ABLIM1: variants seen among roughly 807,000 people sequenced by gnomAD.
ABLIM1 encodes the protein actin-binding LIM protein 1.
Under a neutral mutation model 107.0 loss-of-function variants are expected in ABLIM1, and 40 were observed. That is an observed-to-expected ratio of 0.37 (90% CI 0.29 to 0.49). The LOEUF is 0.49. ABLIM1 is among the 20% of genes least tolerant of loss of function. ABLIM1 has a pLI of 0.97. For synonymous variants in ABLIM1, 357 were observed against 357.3 expected, an observed-to-expected ratio of 1.00 and a Z score of 0.01; for missense variants, 857 against 1,008.5, an observed-to-expected ratio of 0.85 and a Z score of 2.04.
chr10:114,606,660 G>A (rs144637876), intron 1 of ABLIM1, among the ~76,000 whole-genome samples: 1 of 152,172 alleles, frequency 6.6e-6, no homozygotes, highest in East Asian at 1.9e-4. Context: ...TAACCCATAA[G>A]CCTTTGGAAC....
In ABLIM1 at chr10:114,441,804, A is replaced by T. The variant is rs547513245; in HGVS notation, c.1934-18T>A. ...ATGTGAAGCTGAGTAAGAAAAAAGT[A>T]AAAAACCAATTGTTAGGAAATCAGA... On this transcript the variant is annotated intron_variant, in intron 17 of 22. Coordinates refer to ENST00000533213, the MANE Select transcript of ABLIM1 (RefSeq NM_002313.7). The T allele has an allele frequency of 6.2e-7, 1 of 1,605,784 alleles. No individual in the cohort carries two copies. Among genetic ancestry groups the T allele is most frequent in the South Asian group, 1.1e-5 (1 of 90,880 alleles).
intron 1 of ABLIM1, among the ~76,000 whole-genome samples, chr10:114,614,856 G>A (rs1362965576): frequency 3.3e-5 from 5 of 152,008 alleles, no homozygotes. Flanking sequence ...GACGAGACCA[G>A]TCTGACCAAC....
At chr10:114,612,925 T>C (rs545656467) in intron 1 of ABLIM1, among the ~76,000 whole-genome samples, 45 of 152,272 alleles carry the variant, frequency 3.0e-4, no homozygotes, top group African/African-American at 1.0e-3. Flanking sequence ...CTAATTCCAA[T>C]TCCAGACACC....
chr10:114,485,818 G>A (rs1405338926), intron 8 of ABLIM1, among the ~76,000 whole-genome samples: 2 of 152,210 alleles, frequency 1.3e-5, no homozygotes, highest in African/African-American at 4.8e-5. Flanking sequence ...GCACTAATGT[G>A]ACATGCAGTG....
At chr10:114,622,181 T>G (rs911353889) in intron 1 of ABLIM1, among the ~76,000 whole-genome samples, 1 of 152,214 alleles carries the variant, frequency 6.6e-6, no homozygotes, top group South Asian at 2.1e-4. Context: ...TTCTCTCCCA[T>G]TCCCCATCAG....
intron 6 of ABLIM1, among the ~76,000 whole-genome samples, chr10:114,498,372 T>C (rs2135452829): frequency 6.6e-6 from 1 of 152,250 alleles, no homozygotes; most frequent in South Asian, 2.1e-4. Flanking sequence ...AACCAATGAT[T>C]CCTCCGTGTC....
intron 1 of ABLIM1, among the ~76,000 whole-genome samples, chr10:114,618,678 C>T (rs2077280034): frequency 6.6e-6 from 1 of 152,210 alleles, no homozygotes; most frequent in Admixed American, 6.5e-5. Context: ...AGGCACAGGC[C>T]CTGTCAACAA....
intron 6 of ABLIM1, among the ~76,000 whole-genome samples, chr10:114,495,229 G>A (rs191935184): frequency 1.3e-5 from 2 of 152,180 alleles, no homozygotes; most frequent in Admixed American, 6.5e-5. Flanking sequence ...GTGTTGCTGT[G>A]TAATAAAATA....
chr10:114,524,942 C>T (rs929259266), intron 6 of ABLIM1, among the ~76,000 whole-genome samples: 1 of 152,246 alleles, frequency 6.6e-6, no homozygotes, highest in Non-Finnish European at 1.5e-5. Context: ...TGGACCCCGC[C>T]AGGCCTCCCT....
intron 4 of ABLIM1, among the ~76,000 whole-genome samples, chr10:114,550,171 T>C (rs2067879349): frequency 6.6e-6 from 1 of 152,166 alleles, no homozygotes; most frequent in Non-Finnish European, 1.5e-5. Flanking sequence ...CATATGCATA[T>C]GAGTGTATAT....
At chr10:114,570,536 TTAGA>T (rs2071486788) in intron 4 of ABLIM1, among the ~76,000 whole-genome samples, 1 of 151,864 alleles carries the variant, frequency 6.6e-6, no homozygotes, top group Admixed American at 6.6e-5. Flanking sequence ...TTTTCACATA[TTAGA>T]TATTTTTGTG....
chr10:114,513,203 C>T (rs920956084), intron 6 of ABLIM1, among the ~76,000 whole-genome samples: 1 of 152,136 alleles, frequency 6.6e-6, no homozygotes, highest in Non-Finnish European at 1.5e-5. Context: ...TCATTTCTTA[C>T]CCCTTGTACA....
At chr10:114,773,359 A>C in the ABLIM1 span, among the ~76,000 whole-genome samples, 1 of 152,350 alleles carries the variant, frequency 6.6e-6, no homozygotes, top group Non-Finnish European at 1.5e-5. Flanking sequence ...GATTGATAAC[A>C]GACTCAAGGG....
At chr10:114,591,706 T>C (rs1393938374) in intron 2 of ABLIM1, among the ~76,000 whole-genome samples, 1 of 152,220 alleles carries the variant, frequency 6.6e-6, no homozygotes, top group Non-Finnish European at 1.5e-5. Flanking sequence ...AATTTGTAAA[T>C]AACTATCTAT....
chr10:114,491,994 G>A, intron 6 of ABLIM1, 116 bp from the exon 7 acceptor site: 1 of 848,698 alleles, frequency 1.2e-6, no homozygotes, highest in East Asian at 2.8e-5. Context: ...AAAAATAATT[G>A]TCTAATTGAC....
At chr10:114,498,622 A>C (rs1236116741) in intron 6 of ABLIM1, among the ~76,000 whole-genome samples, 1 of 152,192 alleles carries the variant, frequency 6.6e-6, no homozygotes, top group African/African-American at 2.4e-5. Flanking sequence ...GATGGCCCTG[A>C]AGTTCAACCT....
chr10:114,530,072 T>A (rs567564602), intron 6 of ABLIM1, among the ~76,000 whole-genome samples: 98 of 152,238 alleles, frequency 6.4e-4, no homozygotes, highest in Non-Finnish European at 1.2e-3. Flanking sequence ...GGCAGAGGGA[T>A]GTGTTTGAAG....
chr10:114,740,862 G>A (rs922854632), intron 1 of ABLIM1, among the ~76,000 whole-genome samples: 1 of 151,890 alleles, frequency 6.6e-6, no homozygotes, highest in Non-Finnish European at 1.5e-5. Flanking sequence ...TAGCCAACAT[G>A]GTGAAGCCCC....
chr10:114,526,901 C>G (rs540403727), intron 6 of ABLIM1: 146 of 985,392 alleles, frequency 1.5e-4, no homozygotes, highest in Non-Finnish European at 1.7e-4. Flanking sequence ...GGCGGGCAGG[C>G]ACGCTCTCTC....
Sources: allele counts gnomAD v4.1 joint callset (sites outside exome capture counted in the v4.1 genomes callset), GRCh38; gene constraint gnomAD v4.1.1; transcripts MANE v1.5; gene names NCBI Gene and HGNC (gene_info 2026-07-23, HGNC 2026-07-21).